Variants in SPEN observed in about 807,000 individuals in gnomAD.
SPEN encodes msx2-interacting protein.
SPEN carries 18 observed loss-of-function variants against 269.9 expected under a neutral mutation model. The ratio of observed to expected loss-of-function variants is 0.07; its 90% CI spans 0.05 to 0.10. The LOEUF is 0.10. SPEN is among the 10% of genes least tolerant of loss of function. The pLI is 1.00. For synonymous variants in SPEN, 1,726 were observed against 1,765.7 expected (o/e 0.98, Z 0.56); for missense variants, 3,822 against 4,631.2 (o/e 0.83, Z 5.07).
At chr1:15,936,642 CAA>C (rs60059470) in intron 11 of SPEN, among the ~76,000 whole-genome samples, 4 of 123,744 alleles carry the variant, frequency 3.2e-5, no homozygotes, top group Non-Finnish European at 5.1e-5. Flanking sequence ...GACCCAGTCT[CAA>C]AAAAAAAAAA....
chr1:15,902,742 T>G lies in SPEN; in HGVS notation c.882-6579T>G, dbSNP rs1557749603. On this transcript the variant is annotated intron_variant, in intron 3 of 14. Coordinates refer to ENST00000375759, the MANE Select transcript of SPEN (RefSeq NM_015001.3). Reference sequence around the variant, plus strand: ...GGGCACCCAAACCTGATTGAAAATCTTTTCTTTTGACCCCAAATTATATAT... The same window carrying G: ...GGGCACCCAAACCTGATTGAAAATCGTTTCTTTTGACCCCAAATTATATAT... 2.0e-5 allele frequency among the ~76,000 whole-genome samples: 3 copies of G among 152,204 alleles called. No individual in the cohort carries two copies. The South Asian group carries it at 6.2e-4, about 31-fold the overall frequency.
At chr1:15,880,746 T>C (rs1023093509) in intron 3 of SPEN, among the ~76,000 whole-genome samples, 2 of 152,054 alleles carry the variant, frequency 1.3e-5, no homozygotes, top group Admixed American at 6.6e-5. Flanking sequence ...CATGAGCCAC[T>C]GTGCCCGGCC....
At chr1:15,896,504 C>G (rs1266638838) in intron 3 of SPEN, among the ~76,000 whole-genome samples, 5 of 152,212 alleles carry the variant, frequency 3.3e-5, no homozygotes, top group South Asian at 4.1e-4. Context: ...CCTTTACCAT[C>G]ACTTTAGTGA....
chr1:15,931,906 A>G lies in SPEN; in HGVS notation c.5666A>G (p.His1889Arg). The change falls in exon 11 of 15, where the codon CAT (histidine) becomes CGT (arginine). Residue 1889 changes from histidine to arginine, a missense_variant. His to Arg is a conservative substitution (Grantham distance 29, BLOSUM62 0). Around this residue, in one of 16 missense-constraint regions of SPEN, gnomAD observed 533 missense variants for 618.8 expected, o/e 0.86. Transcript: ENST00000375759. The surrounding 1 kb of genome is among the most constrained non-coding windows in gnomAD (Gnocchi z 4.8). ...AAAAACTCTGCTGCAGACCTTGAAC[A>G]TCCCGAACCAAGTTTGCCTCTCAGC... The part of the protein sequence containing the change: ...ASKNSAADLE[H>R]PEPSLPLSRT... 1.9e-6 allele frequency: 3 copies of G among 1,614,240 alleles called. No homozygotes were observed. Among genetic ancestry groups the G allele is most frequent in the Non-Finnish European group, 1.7e-6 (2 of 1,180,046 alleles).
intron 5 of SPEN, among the ~76,000 whole-genome samples, chr1:15,912,675 T>G (rs1315784811): frequency 6.6e-6 from 1 of 152,200 alleles, no homozygotes; most frequent in African/African-American, 2.4e-5. Flanking sequence ...GATAATAGGT[T>G]AAGCCTTCAC....
chr1:15,934,646 A>G lies in SPEN; in HGVS notation c.8406A>G (p.Ser2802=), dbSNP rs1156382022. The change falls in exon 11 of 15, where the codon TCA becomes TCG. Residue 2802 remains serine, a synonymous_variant. Transcript: ENST00000375759. The surrounding 1 kb of genome is among the most constrained non-coding windows in gnomAD (Gnocchi z 9.2). ...ACGATCGTCCGGCAGACGCGGGCTC[A>G]GGGGCGGGGCTGCGTGTGAACACTT... ...VIDDRPADAG[S]GAGLRVNTSE... 1.9e-6 allele frequency: 3 copies of G among 1,613,960 alleles called. No individual in the cohort carries two copies. Among genetic ancestry groups the G allele is most frequent in the Non-Finnish European group, 2.5e-6 (3 of 1,179,860 alleles).
rs779284390 is a variant in SPEN at position 15,935,544 on chromosome 1, A to G, written c.9304A>G (p.Thr3102Ala). The G allele has an allele frequency of 2.4e-5, 38 of 1,613,672 alleles. No individual in the cohort carries two copies. Among genetic ancestry groups the G allele is most frequent in the Non-Finnish European group, 3.1e-5 (36 of 1,179,880 alleles). ...HLSQGEVRMN[T>A]PTLPSITYSI... is the part of the protein sequence containing the mutation. ...CTCCCAGGGCGAGGTGAGAATGAAC[A>G]CTCCCACGCTGCCCAGTATCACCTA... The change falls in exon 11 of 15, where the codon ACT becomes GCT. Residue 3102 changes from threonine (T) to alanine (A), a missense_variant. By Grantham distance (58) the Thr-to-Ala change is moderately conservative (BLOSUM62 0). Transcript: ENST00000375759. The surrounding 1 kb of genome is among the most constrained non-coding windows in gnomAD (Gnocchi z 7.7).
rs149714404 is a variant in SPEN, at chr1:15,930,425, C to T, written c.4185C>T (p.Ala1395=). The change falls in exon 11 of 15, where the codon GCC becomes GCT. Residue 1395 remains alanine (A), a synonymous_variant. Transcript: ENST00000375759. The surrounding 1 kb of genome is among the most constrained non-coding windows in gnomAD (Gnocchi z 5.3). Reference sequence around the variant, plus strand: ...AACACAAATCCCACTCACCCAGAGCCTCTGCATTATATGAAAGTTCTCGAT... The same window carrying T: ...AACACAAATCCCACTCACCCAGAGCTTCTGCATTATATGAAAGTTCTCGAT... ...DGEHKSHSPR[A]SALYESSRLS... is the part of the protein sequence containing the mutation. The T allele has an allele frequency of 2.3e-4, 366 of 1,614,156 alleles. 2 individuals are homozygous for T. In the East Asian group the frequency reaches 5.8e-3, roughly 26 times the overall value.
At position 15,873,082 on chromosome 1, in the gene SPEN, GTCCCCC is replaced by G. The variant is rs769694476; in HGVS notation, c.351_356del (p.Pro119_Pro120del). ...GGAGGTGGTGGAGGGCCTGCTTATG[GTCCCCC>G]ACCGTCACTTCATGCACGAGAAGGA... On this transcript the variant is annotated inframe_deletion, in exon 2 of 15. Transcript: ENST00000375759. 6.8e-6 allele frequency: 11 copies of G among 1,614,106 alleles called. No individual in the cohort carries two copies. The South Asian group carries it at 1.2e-4, about 18-fold the overall frequency.
chr1:15,913,885 A>C (rs1392245167), intron 5 of SPEN, among the ~76,000 whole-genome samples: 1 of 152,018 alleles, frequency 6.6e-6, no homozygotes, highest in Non-Finnish European at 1.5e-5. Context: ...AAAGAAAGAA[A>C]ATGCACCAGG....
intron 1 of SPEN, among the ~76,000 whole-genome samples, chr1:15,866,856 T>C (rs771861626): frequency 2.0e-5 from 3 of 152,176 alleles, no homozygotes; most frequent in Non-Finnish European, 4.4e-5. Context: ...CTATTTATAG[T>C]AGGATGTGGC....
rs932059853 is a variant in SPEN at position 15,891,642 on chromosome 1, G to T, written c.881+14964G>T. The stretch of plus-strand genomic sequence containing the variant: ...TGGGATTACAGGCTTGAGCCACCGC[G>T]CCCGGCCTTGTTTTTTGTTTTTTGT... On this transcript the variant is annotated intron_variant, in intron 3 of 14. Coordinates refer to ENST00000375759, the MANE Select transcript of SPEN (RefSeq NM_015001.3). Among the ~76,000 whole-genome samples the T allele has an allele frequency of 4.0e-5, 6 of 151,808 alleles. No individual in the cohort carries two copies. In the South Asian group the frequency reaches 6.3e-4, roughly 16 times the overall value.
chr1:15,880,792 GTGAGATAAATCTTT>G (rs1214014486), intron 3 of SPEN, among the ~76,000 whole-genome samples: 1 of 152,082 alleles, frequency 6.6e-6, no homozygotes, highest in African/African-American at 2.4e-5. Context: ...AAAAAGAACA[GTGAGATAAATCTTT>G]TGACTGCTGG....
chr1:15,932,929 C>T lies in SPEN; in HGVS notation c.6689C>T (p.Pro2230Leu), dbSNP rs763855655. Residue 2230 changes from proline (P) to leucine (L), a missense_variant, in exon 11 of 15, where the codon CCA becomes CTA. Coordinates refer to ENST00000375759, the MANE Select transcript of SPEN (RefSeq NM_015001.3). This position sits in a 1 kb window ranked among gnomAD's most constrained non-coding sequence, Gnocchi z 4.2. ...ATCATCAATGACATTTCTGGGGAGC[C>T]AGAAAACTTCCCAGCACCTCCACCT... Reference protein sequence around the residue: ...GSIINDISGEPENFPAPPPYP... With the variant: ...GSIINDISGELENFPAPPPYP... 1 of 1,614,222 alleles carries T rather than the reference C, an allele frequency of 6.2e-7. No homozygotes were observed. Among genetic ancestry groups the T allele is most frequent in the Admixed American group, 1.7e-5 (1 of 60,032 alleles).
intron 1 of SPEN, among the ~76,000 whole-genome samples, chr1:15,869,577 A>G (rs1477893921): frequency 2.7e-5 from 3 of 111,802 alleles, no homozygotes; most frequent in Non-Finnish European, 5.7e-5. Flanking sequence ...TATTGTCTCT[A>G]CTGTATTTAT....
Position 15,931,847 on chromosome 1 carries a change from G to A in SPEN, c.5607G>A (p.Lys1869=), listed in dbSNP as rs2071224009. The A allele has an allele frequency of 6.2e-7, 1 of 1,614,240 alleles. No homozygotes were observed. The change falls in exon 11 of 15, where the codon AAG becomes AAA. Residue 1869 remains lysine, a synonymous_variant. Transcript: ENST00000375759. This position sits in a 1 kb window ranked among gnomAD's most constrained non-coding sequence, Gnocchi z 4.8. The part of the protein sequence containing the change: ...RGEAQKLLEL[K]MEAEKITRTA... ...AAGCACAGAAGCTTTTGGAATTGAA[G>A]ATGGAGGCAGAGAAGATTACAAGGA...
Position 15,939,267 on chromosome 1 carries a change from T to A in SPEN, c.10864-29T>A. ...GAGTTGTGGGGGTGAAGACAGACGG[T>A]CCCACTTTGCTCTCTATCCTGTCTC... On this transcript the variant is annotated intron_variant, in intron 14 of 14. Coordinates refer to ENST00000375759, the MANE Select transcript of SPEN (RefSeq NM_015001.3). This position sits in a 1 kb window ranked among gnomAD's most constrained non-coding sequence, Gnocchi z 4.1. The A allele has an allele frequency of 6.5e-7, 1 of 1,532,090 alleles. No homozygotes were observed. The highest frequency in any genetic ancestry group is 2.4e-5 in the East Asian group (1 of 41,134). The allele number at this position is 1,532,090 out of a possible 1,614,324, so 94.9% of individuals were successfully genotyped here.
intron 11 of SPEN, 73 bp downstream of exon 11, chr1:15,936,339 G>C: frequency 6.8e-7 from 1 of 1,469,396 alleles, no homozygotes; most frequent in East Asian, 2.4e-5. Flanking sequence ...TTTAAGCCAA[G>C]ATGTGTGAAA....
At chr1:15,871,662 T>A (rs2070576540) in intron 1 of SPEN, among the ~76,000 whole-genome samples, 1 of 152,100 alleles carries the variant, frequency 6.6e-6, no homozygotes, top group Non-Finnish European at 1.5e-5. Context: ...AGAAAGAAAA[T>A]TAAGTAGCAA....
Sources: allele counts gnomAD v4.1 joint callset (sites outside exome capture counted in the v4.1 genomes callset), GRCh38; gene constraint gnomAD v4.1.1; regional missense constraint gnomAD v4.1.1; non-coding constraint Gnocchi (gnomAD v3.1); transcripts MANE v1.5; gene names NCBI Gene and HGNC (gene_info 2026-07-23, HGNC 2026-07-21).